The following FAM131B variants were observed in gnomAD, a reference collection of about 807,000 sequenced individuals.
The protein encoded by FAM131B is family with sequence similarity 131 member B, also known as protein FAM131B.
In FAM131B, 19 loss-of-function variants were observed where a neutral mutation model predicts 42.0. The ratio of observed to expected loss-of-function variants is 0.45; its 90% CI spans 0.32 to 0.66. The LOEUF is 0.66. FAM131B is among the 30% of genes least tolerant of loss of function. FAM131B has a pLI of 0.05. For synonymous variants in FAM131B, 183 were observed against 177.6 expected (o/e 1.03, Z -0.24); for missense variants, 370 against 468.4 (o/e 0.79, Z 1.94).
chr7:143,373,257 C>A, the FAM131B span, among the ~76,000 whole-genome samples: 4 of 151,808 alleles, frequency 2.6e-5, no homozygotes, highest in Non-Finnish European at 5.9e-5. Context: ...GTGGTGCGCA[C>A]CTGTAATCCC....
At chr7:143,360,266 C>T in intron 1 of FAM131B, 117 bp from the exon 2 acceptor site, 1 of 1,491,280 alleles carries the variant, frequency 6.7e-7, no homozygotes. Context: ...CCTCTTATAT[C>T]CCTGCACTCT....
At chr7:143,381,503 G>T in the FAM131B span, 5 of 1,526,406 alleles carry the variant, frequency 3.3e-6, no homozygotes, top group Non-Finnish European at 4.4e-6. Flanking sequence ...AGCTGGGACC[G>T]CCTGGGGCTC....
intron 6 of FAM131B, 71 bp from the exon 7 acceptor site, chr7:143,357,093 C>T (rs1803701106): frequency 2.4e-6 from 3 of 1,229,842 alleles, no homozygotes; most frequent in Admixed American, 3.6e-5. Context: ...ACAGACAGCA[C>T]AAGAGACAGC....
the FAM131B span, among the ~76,000 whole-genome samples, chr7:143,373,793 C>T: frequency 6.6e-6 from 1 of 152,182 alleles, no homozygotes; most frequent in Non-Finnish European, 1.5e-5. Flanking sequence ...ATAAAAGGGA[C>T]TTAATACAGG....
At chr7:143,378,114 G>T in the FAM131B span, among the ~76,000 whole-genome samples, 1 of 152,312 alleles carries the variant, frequency 6.6e-6, no homozygotes, top group South Asian at 2.1e-4. Flanking sequence ...TGTTATTAGG[G>T]TGCTGCTATT....
upstream of FAM131B, among the ~76,000 whole-genome samples, chr7:143,363,148 A>G (rs549360712): frequency 7.2e-5 from 11 of 152,166 alleles, no homozygotes; most frequent in East Asian, 2.0e-3. Context: ...AATTCCGCAA[A>G]CACTTGTTTT....
Position 143,360,111 on chromosome 7 carries a change from C to G in FAM131B, c.67G>C (p.Asp23His), listed in dbSNP as rs1803883471. 8 of 1,613,928 alleles carry G rather than the reference C, an allele frequency of 5.0e-6. No individual in the cohort carries two copies. In the East Asian group the frequency reaches 1.8e-4, roughly 36 times the overall value. ...CTGTCCATGTTGATTTGATCGACAT[C>G]CTTCAGGCCCTTCCAATCCACTGCA... ...VIAVDWKGLK[D>H]VDQINMDSTS... The change falls in exon 2 of 7, where the codon GAT becomes CAT. Residue 23 changes from aspartate (D) to histidine (H), a missense_variant. Transcript: ENST00000443739.
At position 143,357,281 on chromosome 7, in the gene FAM131B, C is replaced by A; in HGVS notation, c.609G>T (p.Gln203His). Residue 203 changes from glutamine to histidine, a missense_variant and splice_region_variant, in exon 6 of 7, where the codon CAG (glutamine) becomes CAT (histidine). Coordinates refer to ENST00000443739, the MANE Select transcript of FAM131B (RefSeq NM_001031690.3). ...SDNYQELMDSQDALAQAPMDG... is the reference protein window; with the variant it reads ...SDNYQELMDSHDALAQAPMDG... ...TTTGGATTCTGGAACATCTCTCACC[C>A]TGACTGTCCATCAGTTCCTGGTAGT... 6.2e-7 allele frequency: 1 copy of A among 1,614,016 alleles called. No individual in the cohort carries two copies. The highest frequency in any genetic ancestry group is 1.1e-5 in the South Asian group (1 of 91,026).
At chr7:143,382,185 T>C in the FAM131B span, 10 of 1,407,766 alleles carry the variant, frequency 7.1e-6, no homozygotes, top group Non-Finnish European at 9.9e-6. Context: ...AGCGGTTAAC[T>C]GAGGGGAGCT....
chr7:143,378,571 A>AT, the FAM131B span, among the ~76,000 whole-genome samples: 3 of 103,342 alleles, frequency 2.9e-5, no homozygotes, highest in Admixed American at 9.6e-5. Flanking sequence ...CATTTCCTGC[A>AT]TTTTTTTTTT....
At chr7:143,381,757 G>A in the FAM131B span, 5 of 1,583,202 alleles carry the variant, frequency 3.2e-6, no homozygotes, top group South Asian at 4.5e-5. Context: ...GGGTGGGCGA[G>A]ATTCCCCCGC....
chr7:143,381,891 C>T, the FAM131B span: 3 of 1,069,604 alleles, frequency 2.8e-6, no homozygotes, highest in Non-Finnish European at 3.9e-6. Flanking sequence ...CTGGGCGCAG[C>T]CACCCTGTCC....
rs1586543483 is a variant in FAM131B at position 143,362,613 on chromosome 7, G to A, written c.-10C>T. 8.2e-7 allele frequency: 1 copy of A among 1,215,234 alleles called. No homozygotes were observed. Among genetic ancestry groups the A allele is most frequent in the Non-Finnish European group, 1.0e-6 (1 of 977,016 alleles). The allele number at this position is 1,215,234 out of a possible 1,614,324, so 75.3% of individuals were successfully genotyped here. On this transcript the variant is annotated 5_prime_UTR_variant, in exon 1 of 7. Transcript: ENST00000443739. The surrounding 1 kb of genome is among the most constrained non-coding windows in gnomAD (Gnocchi z 7.7). ...AGCCGATGCAGCCCATGGCTCCGGG[G>A]GCCGCAGAGCCGGGCCCTCACCGAC... is the stretch of plus-strand genomic sequence containing the variant.
upstream of FAM131B, among the ~76,000 whole-genome samples, chr7:143,366,256 A>T (rs1377430671): frequency 1.3e-5 from 2 of 152,210 alleles, no homozygotes; most frequent in African/African-American, 4.8e-5. Flanking sequence ...ACATTTCTAA[A>T]TTTTGAAATG....
the FAM131B span, among the ~76,000 whole-genome samples, chr7:143,371,592 C>A: frequency 1.8e-5 from 2 of 113,312 alleles, no homozygotes; most frequent in African/African-American, 7.1e-5. Flanking sequence ...CCAGCCTGGG[C>A]AACACCGCAA....
chr7:143,356,727 C>T lies in FAM131B; in HGVS notation c.906G>A (p.Glu302=). 1 of 1,614,170 alleles carries T rather than the reference C, an allele frequency of 6.2e-7. No individual in the cohort carries two copies. Among genetic ancestry groups the T allele is most frequent in the East Asian group, 2.2e-5 (1 of 44,872 alleles). The change falls in exon 7 of 7, where the codon GAG becomes GAA. Residue 302 remains glutamate (E), a synonymous_variant. Transcript: ENST00000443739. The surrounding 1 kb of genome is among the most constrained non-coding windows in gnomAD (Gnocchi z 4.4). ...GAVDLARGPA[E]EEKRPLAPEE... ...CAGGTGCCAATGGCCTCTTCTCCTC[C>T]TCAGCAGGGCCCCTTGCCAGGTCCA...
the FAM131B span, among the ~76,000 whole-genome samples, chr7:143,374,708 C>T: frequency 6.6e-6 from 1 of 152,246 alleles, no homozygotes; most frequent in African/African-American, 2.4e-5. Flanking sequence ...ACTCCAGCCA[C>T]ACCTACCTGC....
At chr7:143,370,520 A>G in the FAM131B span, among the ~76,000 whole-genome samples, 1 of 152,208 alleles carries the variant, frequency 6.6e-6, no homozygotes, top group East Asian at 1.9e-4. Flanking sequence ...GATCTTGCTG[A>G]TAAAACAGGT....
In FAM131B at chr7:143,355,066, GA is replaced by G. The variant is rs1471377389; in HGVS notation, c.*1483del. On this transcript the variant is annotated 3_prime_UTR_variant, in exon 7 of 7. Transcript: ENST00000443739. This position sits in a 1 kb window ranked among gnomAD's most constrained non-coding sequence, Gnocchi z 4.1. ...AGCCGGAGCCTTGGAAGGGCGTGAGGAAAGAAGGAGATAGGGCAGTGAGCCT... is the reference window on the plus strand; with the variant it reads ...AGCCGGAGCCTTGGAAGGGCGTGAGGAAGAAGGAGATAGGGCAGTGAGCCT... 6.6e-6 allele frequency: 1 copy of G among 152,368 alleles called. No individual in the cohort carries two copies. The highest frequency in any genetic ancestry group is 2.4e-5 in the African/African-American group (1 of 41,432). The allele number at this position is 152,368 out of a possible 1,614,324, so 9.4% of individuals were successfully genotyped here.
Sources: gnomAD v4.1 joint callset for allele counts (sites outside exome capture counted in the v4.1 genomes callset) on GRCh38, gnomAD v4.1.1 for gene constraint, Gnocchi (gnomAD v3.1) non-coding constraint, MANE v1.5 for transcripts, NCBI Gene and HGNC (gene_info 2026-07-23, HGNC 2026-07-21) for gene names.